The following TMPRSS5 variants were observed in gnomAD, a reference collection of about 807,000 sequenced individuals.
TMPRSS5 encodes transmembrane serine protease 5, also known as transmembrane protease serine 5.
A neutral mutation model predicts 59.7 loss-of-function variants in TMPRSS5; 45 were observed. That is an observed-to-expected ratio of 0.75 (90% CI 0.59 to 0.97). TMPRSS5 has a LOEUF of 0.97. TMPRSS5 is among the 50% of genes least tolerant of loss of function. The pLI, the probability that TMPRSS5 is intolerant of heterozygous loss-of-function variation, is 0.00. For synonymous variants in TMPRSS5, 225 were observed against 232.0 expected (o/e 0.97, Z 0.27); for missense variants, 585 against 596.7 (o/e 0.98, Z 0.20).
chr11:113,689,742 C>A, intron 12 of TMPRSS5, 23 bp downstream of exon 12: 1 of 1,604,376 alleles, frequency 6.2e-7, no homozygotes, highest in East Asian at 2.2e-5. Context: ...ATCTCCCTGC[C>A]CTACTCCTGC....
At chr11:113,691,710 T>C (rs1040744683) in intron 9 of TMPRSS5, among the ~76,000 whole-genome samples, 7 of 151,362 alleles carry the variant, frequency 4.6e-5, no homozygotes, top group Non-Finnish European at 1.0e-4. Context: ...ATATGCTATT[T>C]ACTTACTATA....
In TMPRSS5 at chr11:113,690,860, G is replaced by A; in HGVS notation, c.1044C>T (p.Gly348=). Reference sequence around the variant, plus strand: ...ACTCACTATGGCTAGGGTGGGTGTGGCCCCAGCCAGACACCCAGCACCGCG... The same window carrying A: ...ACTCACTATGGCTAGGGTGGGTGTGACCCCAGCCAGACACCCAGCACCGCG... ...KGSRCWVSGW[G]HTHPSHTYSS... is the part of the protein sequence containing the mutation. The change falls in exon 10 of 13, where the codon GGC becomes GGT. Residue 348 remains glycine, a synonymous_variant. Coordinates refer to ENST00000299882, the MANE Select transcript of TMPRSS5 (RefSeq NM_030770.4). 1 of 1,590,972 alleles carries A rather than the reference G, an allele frequency of 6.3e-7. No individual in the cohort carries two copies. The highest frequency in any genetic ancestry group is 1.8e-5 in the Admixed American group (1 of 56,208).
chr11:113,703,672 T>C (rs2063302), intron 1 of TMPRSS5, among the ~76,000 whole-genome samples: 33,555 of 152,118 alleles, frequency 0.22, 3,922 homozygotes, highest in East Asian at 0.42. Flanking sequence ...TAGTAGGTGA[T>C]TGGATCATGG....
Position 113,689,805 on chromosome 11 carries a change from T to C in TMPRSS5, c.1319A>G (p.Lys440Arg). 1 of 1,608,600 alleles carries C rather than the reference T, an allele frequency of 6.2e-7. No individual in the cohort carries two copies. The highest frequency in any genetic ancestry group is 8.5e-7 in the Non-Finnish European group (1 of 1,177,694). The change falls in exon 12 of 13, where the codon AAG becomes AGG. Residue 440 changes from lysine (K) to arginine (R), a missense_variant. Lys to Arg is a conservative substitution (Grantham distance 26). Coordinates refer to ENST00000299882, the MANE Select transcript of TMPRSS5 (RefSeq NM_030770.4). Reference sequence around the variant, plus strand: ...GATCCAGTCCAGAAACTCAGCTACCTTGGCGTAGACACCTGGGTGATTGGG... The same window carrying C: ...GATCCAGTCCAGAAACTCAGCTACCCTGGCGTAGACACCTGGGTGATTGGG... ...AEPNHPGVYA[K>R]VAEFLDWIHD...
At chr11:113,690,993 C>G (rs974951697) in intron 9 of TMPRSS5, 54 bp from the exon 10 acceptor site, 51 of 1,506,174 alleles carry the variant, frequency 3.4e-5, no homozygotes, top group Non-Finnish European at 4.2e-5. Flanking sequence ...TCCCCCACTG[C>G]AGAGCCTGGG....
At chr11:113,694,950 G>A (rs1952886108) in intron 7 of TMPRSS5, among the ~76,000 whole-genome samples, 1 of 152,190 alleles carries the variant, frequency 6.6e-6, no homozygotes, top group Admixed American at 6.5e-5. Flanking sequence ...TGTGTGAATG[G>A]ACAGATGAAG....
At chr11:113,699,574 A>C in intron 3 of TMPRSS5, 21 bp downstream of exon 3, 1 of 1,555,498 alleles carries the variant, frequency 6.4e-7, no homozygotes, top group Non-Finnish European at 8.7e-7. Context: ...CCCACACCAG[A>C]GAAAGGCCCC....
chr11:113,697,645 C>T (rs1423993613), intron 4 of TMPRSS5, among the ~76,000 whole-genome samples: 2 of 152,140 alleles, frequency 1.3e-5, no homozygotes, highest in African/African-American at 4.8e-5. Context: ...TGTTTTTAAG[C>T]GTGGTCTACC....
At chr11:113,690,466 A>T in intron 10 of TMPRSS5, 93 bp from the exon 11 acceptor site, 1 of 1,498,852 alleles carries the variant, frequency 6.7e-7, no homozygotes, top group South Asian at 1.3e-5. Flanking sequence ...TCCCAGAGAC[A>T]GGGAGACCCA....
In TMPRSS5 at chr11:113,690,868, C is replaced by T. The variant is rs773712183; in HGVS notation, c.1036G>A (p.Gly346Ser). 6 of 1,594,650 alleles carry T rather than the reference C, an allele frequency of 3.8e-6. No individual in the cohort carries two copies. The East Asian group carries it at 1.1e-4, about 30-fold the overall frequency. ...TGGCTAGGGTGGGTGTGGCCCCAGCCAGACACCCAGCACCGCGAGCCCTTC... is the reference window on the plus strand; with the variant it reads ...TGGCTAGGGTGGGTGTGGCCCCAGCTAGACACCCAGCACCGCGAGCCCTTC... ...FPKGSRCWVS[G>S]WGHTHPSHTY... Residue 346 changes from glycine to serine, a missense_variant, in exon 10 of 13, where the codon GGC becomes AGC. By Grantham distance (56) the Gly-to-Ser change is moderately conservative (BLOSUM62 0). Transcript: ENST00000299882.
chr11:113,687,936 T>C lies in TMPRSS5; in HGVS notation c.*324A>G. 1 of 305,472 alleles carries C rather than the reference T, an allele frequency of 3.3e-6. No individual in the cohort carries two copies. The highest frequency in any genetic ancestry group is 5.9e-6 in the Non-Finnish European group (1 of 168,392). The allele number at this position is 305,472 out of a possible 1,614,324, so 18.9% of individuals were successfully genotyped here. ...GGCAGAAGGGCAGGCTTCCTGCTGC[T>C]TCTAGCAGCCTCTTCATCTCCAGCT... is the stretch of plus-strand genomic sequence containing the variant. On this transcript the variant is annotated 3_prime_UTR_variant, in exon 13 of 13. Transcript: ENST00000299882.
chr11:113,693,114 G>C lies in TMPRSS5; in HGVS notation c.921C>G (p.Tyr307Ter). Residue 307 changes from tyrosine (Y) to a stop codon, truncating the protein, a stop_gained, in exon 9 of 13, where the codon TAC (tyrosine) becomes TAG (stop). Coordinates refer to ENST00000299882, the MANE Select transcript of TMPRSS5 (RefSeq NM_030770.4). LOFTEE classifies it high-confidence loss of function. ...HPLYSAQNHDYDVALLRLQTA... is the reference protein window; with the variant it reads ...HPLYSAQNHD Reference sequence around the variant, plus strand: ...TCTGGAGCCTCAGGAGGGCGACGTCGTAGTCATGATTCTGGGCACTGTAGA... The same window carrying C: ...TCTGGAGCCTCAGGAGGGCGACGTCCTAGTCATGATTCTGGGCACTGTAGA... 2 of 1,591,286 alleles carry C rather than the reference G, an allele frequency of 1.3e-6. No homozygotes were observed. Among genetic ancestry groups the C allele is most frequent in the South Asian group, 2.3e-5 (2 of 87,154 alleles).
chr11:113,690,328 C>T lies in TMPRSS5; in HGVS notation c.1109G>A (p.Ser370Asn), dbSNP rs765692986. 9.4e-6 allele frequency: 15 copies of T among 1,603,254 alleles called. No individual in the cohort carries two copies. The highest frequency in any genetic ancestry group is 1.3e-5 in the African/African-American group (1 of 74,614). The change falls in exon 11 of 13, where the codon AGC becomes AAC. Residue 370 changes from serine (S) to asparagine (N), a missense_variant. Physicochemically the swap from Ser to Asn is conservative, Grantham distance 46 (BLOSUM62 1). Coordinates refer to ENST00000299882, the MANE Select transcript of TMPRSS5 (RefSeq NM_030770.4). ...MLQDTVVPLF[S>N]TQLCNSSCVY... ...GCAAGAGCTGTTGCAGAGCTGAGTG[C>T]TGAACAAGGGCACCACCGTGTCCTG...
intron 1 of TMPRSS5, among the ~76,000 whole-genome samples, chr11:113,701,850 T>C (rs1003788591): frequency 1.3e-5 from 2 of 152,120 alleles, no homozygotes; most frequent in African/African-American, 2.4e-5. Flanking sequence ...GTTTGTTACA[T>C]AGGTATACAT....
At position 113,693,177 on chromosome 11, in the gene TMPRSS5, G is replaced by A. The variant is rs1952833141; in HGVS notation, c.858C>T (p.His286=). The part of the protein sequence containing the change: ...GLVSHSAVRP[H]QGALVERIIP... ...TAATCCTCTCCACCAGAGCCCCTTG[G>A]TGGGGCCTGACGGCACTGTGGCTGA... The change falls in exon 9 of 13, where the codon CAC becomes CAT. Residue 286 remains histidine, a synonymous_variant. Coordinates refer to ENST00000299882, the MANE Select transcript of TMPRSS5 (RefSeq NM_030770.4). The A allele has an allele frequency of 6.2e-7, 1 of 1,603,736 alleles. No homozygotes were observed. The highest frequency in any genetic ancestry group is 8.5e-7 in the Non-Finnish European group (1 of 1,175,350).
chr11:113,694,244 C>CAAAAAAA, intron 8 of TMPRSS5: 5 of 202,248 alleles, frequency 2.5e-5, no homozygotes, highest in South Asian at 1.9e-4. Context: ...GACTCTGTCT[C>CAAAAAAA]AAAAAAAAAA....
chr11:113,693,803 TCTA>T (rs1952851151), intron 8 of TMPRSS5: 1 of 152,402 alleles, frequency 6.6e-6, no homozygotes, highest in Non-Finnish European at 1.5e-5. Flanking sequence ...AGTGGATAAA[TCTA>T]CAAAGAGATT....
In TMPRSS5 at chr11:113,688,145, A is replaced by T; in HGVS notation, c.*115T>A. The T allele has an allele frequency of 6.9e-7, 1 of 1,456,876 alleles. No individual in the cohort carries two copies. Among genetic ancestry groups the T allele is most frequent in the Non-Finnish European group, 9.1e-7 (1 of 1,102,130 alleles). 90.2% of individuals were successfully genotyped at this position (1,456,876 alleles called of 1,614,324 possible). On this transcript the variant is annotated 3_prime_UTR_variant, in exon 13 of 13. Transcript: ENST00000299882. ...ACTGTTCCTCACACACAGTAGTAGG[A>T]GGTCCATGCGTTCTGTGTCGGAGGC...
intron 9 of TMPRSS5, 175 bp from the exon 10 acceptor site, chr11:113,691,114 C>T: frequency 1.7e-6 from 1 of 604,518 alleles, no homozygotes; most frequent in East Asian, 2.9e-5. Context: ...GGCACTGTCC[C>T]ATCTTTGGGG....
Sources: allele counts gnomAD v4.1 joint callset (sites outside exome capture counted in the v4.1 genomes callset), GRCh38; gene constraint gnomAD v4.1.1; transcripts MANE v1.5; gene names NCBI Gene and HGNC (gene_info 2026-07-23, HGNC 2026-07-21).